The following ABLIM2 variants were observed in gnomAD, a reference collection of about 807,000 sequenced individuals.
The protein encoded by ABLIM2 is actin-binding LIM protein 2.
Under a neutral mutation model 97.7 loss-of-function variants are expected in ABLIM2, and 53 were observed. The ratio of observed to expected loss-of-function variants is 0.54; its 90% CI spans 0.44 to 0.68. The LOEUF (loss-of-function observed/expected upper bound fraction) is 0.68, where lower values mean the gene tolerates loss of function less well. Ranked by LOEUF, ABLIM2 falls within the 30% of genes least tolerant of loss-of-function variation. The pLI is 0.00. For synonymous variants in ABLIM2, 361 were observed against 345.8 expected, an observed-to-expected ratio of 1.04 and a Z score of -0.49; for missense variants, 835 against 867.2, an observed-to-expected ratio of 0.96 and a Z score of 0.47.
At chr4:8,060,857 A>C in intron 7 of ABLIM2, 110 bp downstream of exon 7, 1 of 937,764 alleles carries the variant, frequency 1.1e-6, no homozygotes, top group Non-Finnish European at 1.6e-6. Flanking sequence ...GCTGCTCGTG[A>C]CCTAGCGAGA....
At position 8,043,484 on chromosome 4, in the gene ABLIM2, T is replaced by C. The variant is rs1790098876; in HGVS notation, c.900+1680A>G. ...CTCAGGACCTCAGAATGTGACTGCATTTGGATGCAGGGCCTTAAGAGAGGT... is the reference window on the plus strand; with the variant it reads ...CTCAGGACCTCAGAATGTGACTGCACTTGGATGCAGGGCCTTAAGAGAGGT... On this transcript the variant is annotated intron_variant, in intron 9 of 20. Transcript: ENST00000447017. This position sits in a 1 kb window ranked among gnomAD's most constrained non-coding sequence, Gnocchi z 4.8. 6.6e-6 allele frequency among the ~76,000 whole-genome samples: 1 copy of C among 152,172 alleles called. No individual in the cohort carries two copies. Among genetic ancestry groups the C allele is most frequent in the South Asian group, 2.1e-4 (1 of 4,824 alleles).
rs200845715 is a variant in ABLIM2 at position 8,032,630 on chromosome 4, C to A, written c.1048-2854G>T. On this transcript the variant is annotated intron_variant, in intron 10 of 20. Transcript: ENST00000447017. This position sits in a 1 kb window ranked among gnomAD's most constrained non-coding sequence, Gnocchi z 4.3. ...CAGCGCCACGGCAAGCGGGGACAGG[C>A]GAGAGGGTGGTGGTTACCTCGGTCG... 6.2e-7 allele frequency: 1 copy of A among 1,612,296 alleles called. No homozygotes were observed. The highest frequency in any genetic ancestry group is 1.1e-5 in the South Asian group (1 of 91,060).
intron 15 of ABLIM2, 97 bp from the exon 16 acceptor site, chr4:8,008,297 T>C (rs1476823240): frequency 2.5e-6 from 3 of 1,214,224 alleles, no homozygotes; most frequent in East Asian, 2.4e-5. Flanking sequence ...ACTTCTAACA[T>C]ACGAGCTGAC....
chr4:7,990,770 A>G (rs1166516739), intron 17 of ABLIM2, among the ~76,000 whole-genome samples: 2 of 152,298 alleles, frequency 1.3e-5, no homozygotes, highest in East Asian at 3.9e-4. Flanking sequence ...CGCCCTGAAA[A>G]AGGCTGGTCA....
At chr4:8,101,828 A>T (rs1365424189) in intron 2 of ABLIM2, among the ~76,000 whole-genome samples, 3 of 152,182 alleles carry the variant, frequency 2.0e-5, no homozygotes, top group Admixed American at 2.0e-4. Flanking sequence ...AGTAAACCAG[A>T]TTTGTTTTTC....
At chr4:7,985,237 A>AC (rs761489222) in intron 17 of ABLIM2, among the ~76,000 whole-genome samples, 19 of 152,186 alleles carry the variant, frequency 1.2e-4, no homozygotes, top group Non-Finnish European at 2.8e-4. Flanking sequence ...GGCACAGACG[A>AC]CCACTGGGGG....
intron 3 of ABLIM2, among the ~76,000 whole-genome samples, chr4:8,091,465 TATATATA>T (rs1271220207): frequency 2.0e-5 from 1 of 49,166 alleles, no homozygotes; most frequent in African/African-American, 7.1e-5. Context: ...ATTATATAAT[TATATATA>T]ATATATAATA....
At chr4:8,131,966 C>CGCATCCCCTGCACGGCAGCCT (rs1849498325) in intron 1 of ABLIM2, among the ~76,000 whole-genome samples, 1 of 146,692 alleles carries the variant, frequency 6.8e-6, no homozygotes, top group African/African-American at 2.6e-5. Context: ...CACAGCAGCC[C>CGCATCCCCTGCACGGCAGCCT]GCATCCCCTG....
intron 1 of ABLIM2, among the ~76,000 whole-genome samples, chr4:8,115,673 A>G (rs1842478519): frequency 6.6e-6 from 1 of 152,178 alleles, no homozygotes; most frequent in Non-Finnish European, 1.5e-5. Flanking sequence ...TTCAAAGGTG[A>G]CGATCACAAC....
At chr4:7,968,300 TATC>T (rs780331701) in intron 20 of ABLIM2, among the ~76,000 whole-genome samples, 51 of 152,368 alleles carry the variant, frequency 3.3e-4, no homozygotes, top group South Asian at 1.7e-3. Context: ...TCCACACAGT[TATC>T]ATATGCCCCA....
At chr4:7,968,487 A>C (rs2149320173) in intron 20 of ABLIM2, among the ~76,000 whole-genome samples, 1 of 152,386 alleles carries the variant, frequency 6.6e-6, no homozygotes. Context: ...GTGACGGAAT[A>C]GCCTTCAGCC....
Position 8,022,971 on chromosome 4 carries a change from GCCTCCTCTT to G in ABLIM2, c.1268-2677_1268-2669del, listed in dbSNP as rs971198294. 7.0e-6 allele frequency: 1 copy of G among 143,846 alleles called. No individual in the cohort carries two copies. Among genetic ancestry groups the G allele is most frequent in the African/African-American group, 2.7e-5 (1 of 37,188 alleles). 8.9% of individuals were successfully genotyped at this position (143,846 alleles called of 1,614,324 possible). On this transcript the variant is annotated intron_variant, in intron 12 of 20. Transcript: ENST00000447017. This position sits in a 1 kb window ranked among gnomAD's most constrained non-coding sequence, Gnocchi z 7.8. ...CTCTTCTTTTTCCTCTTCCTCCTCTGCCTCCTCTTCCTCTTTTTCCTTTCTCCTCCTCCT... is the reference window on the plus strand; with the variant it reads ...CTCTTCTTTTTCCTCTTCCTCCTCTGCCTCTTTTTCCTTTCTCCTCCTCCT...
In ABLIM2 at chr4:8,150,921, A is replaced by C. The variant is rs28557387; in HGVS notation, c.10+7759T>G. ...AGCGGCTCCCACGGGGCACGACGTC[A>C]GGTTTGTCCCTGAGCTGTGAAGGGT... On this transcript the variant is annotated intron_variant, in intron 1 of 20. Transcript: ENST00000447017. The surrounding 1 kb of genome is among the most constrained non-coding windows in gnomAD (Gnocchi z 6.3). Among the ~76,000 whole-genome samples the C allele has an allele frequency of 0.033, 5,052 of 152,198 alleles. 282 individuals are homozygous for C. Among genetic ancestry groups the C allele is most frequent in the African/African-American group, 0.12 (4,790 of 41,506 alleles).
Position 8,085,574 on chromosome 4 carries a change from C to T in ABLIM2, c.454+2595G>A, listed in dbSNP as rs530008871. Among the ~76,000 whole-genome samples, 12 of 149,964 alleles carry T rather than the reference C, an allele frequency of 8.0e-5. No individual in the cohort carries two copies. The highest frequency in any genetic ancestry group is 2.1e-4 in the South Asian group (1 of 4,720). On this transcript the variant is annotated intron_variant, in intron 4 of 20. Coordinates refer to ENST00000447017, the MANE Select transcript of ABLIM2 (RefSeq NM_001130083.2). The surrounding 1 kb of genome is among the most constrained non-coding windows in gnomAD (Gnocchi z 6.1). ...ACTCACATGGCTCTGGGGGTGCCCA[C>T]GCTGCAGCCCCGTCCACTCACGCGG...
chr4:8,050,793 G>C (rs1795516845), intron 8 of ABLIM2, among the ~76,000 whole-genome samples: 1 of 152,224 alleles, frequency 6.6e-6, no homozygotes, highest in Non-Finnish European at 1.5e-5. Context: ...ATTAGGCCGG[G>C]AGCCACGCCA....
chr4:8,040,421 G>A (rs1218861274), intron 9 of ABLIM2, among the ~76,000 whole-genome samples: 1 of 152,076 alleles, frequency 6.6e-6, no homozygotes, highest in Non-Finnish European at 1.5e-5. Flanking sequence ...GACCAGCCTG[G>A]CCAACATGGT....
At chr4:7,987,382 C>A (rs1026862274) in intron 17 of ABLIM2, among the ~76,000 whole-genome samples, 3 of 152,178 alleles carry the variant, frequency 2.0e-5, no homozygotes, top group Non-Finnish European at 2.9e-5. Flanking sequence ...CTCAGCCTCC[C>A]AAAGCACTGG....
rs1831273052 is a variant in ABLIM2, at chr4:8,095,798, A to G, written c.338+1301T>C. Reference sequence around the variant, plus strand: ...CGCGACCTTTTGGTGTCCACACTGCATGCCCTGGGGTTCGACGAGGAATCT... The same window carrying G: ...CGCGACCTTTTGGTGTCCACACTGCGTGCCCTGGGGTTCGACGAGGAATCT... On this transcript the variant is annotated intron_variant, in intron 3 of 20. Coordinates refer to ENST00000447017, the MANE Select transcript of ABLIM2 (RefSeq NM_001130083.2). This position sits in a 1 kb window ranked among gnomAD's most constrained non-coding sequence, Gnocchi z 4.7. 6.6e-6 allele frequency among the ~76,000 whole-genome samples: 1 copy of G among 152,132 alleles called. No individual in the cohort carries two copies. The highest frequency in any genetic ancestry group is 2.1e-4 in the South Asian group (1 of 4,820).
At chr4:8,108,596 G>A (rs939309308) in intron 1 of ABLIM2, among the ~76,000 whole-genome samples, 3 of 152,190 alleles carry the variant, frequency 2.0e-5, no homozygotes, top group African/African-American at 4.8e-5. Context: ...GTCCTAATTC[G>A]TGCCCCCGCT....
Sources: allele counts gnomAD v4.1 joint callset (sites outside exome capture counted in the v4.1 genomes callset), GRCh38; gene constraint gnomAD v4.1.1; non-coding constraint Gnocchi (gnomAD v3.1); transcripts MANE v1.5; gene names NCBI Gene and HGNC (gene_info 2026-07-23, HGNC 2026-07-21).